EP300: variants seen among roughly 807,000 people sequenced by gnomAD.
EP300 encodes histone acetyltransferase p300.
EP300 carries 31 observed loss-of-function variants against 264.0 expected under a neutral mutation model. That is an observed-to-expected ratio of 0.12 (90% CI 0.09 to 0.16). The LOEUF is 0.16. Ranked by LOEUF, EP300 falls within the 10% of genes least tolerant of loss-of-function variation. The pLI is 1.00. For synonymous variants in EP300, 1,340 were observed against 1,045.4 expected, an observed-to-expected ratio of 1.28 and a Z score of -5.44; for missense variants, 2,766 against 3,052.9, an observed-to-expected ratio of 0.91 and a Z score of 2.21.
At chr22:41,128,790 C>T (rs550357655) in intron 4 of EP300, among the ~76,000 whole-genome samples, 2 of 152,056 alleles carry the variant, frequency 1.3e-5, no homozygotes, top group Non-Finnish European at 2.9e-5. Context: ...GGATTACAGG[C>T]GTGAGCCACC....
At chr22:41,110,005 G>A (rs922599715) in intron 1 of EP300, among the ~76,000 whole-genome samples, 5 of 151,670 alleles carry the variant, frequency 3.3e-5, no homozygotes, top group African/African-American at 1.2e-4. Context: ...GTAGAGATGG[G>A]GTTTCACCAT....
At chr22:41,170,652 ACTTT>A in intron 27 of EP300, 81 bp downstream of exon 27, 4 of 915,290 alleles carry the variant, frequency 4.4e-6, no homozygotes, top group Non-Finnish European at 6.2e-6. Flanking sequence ...CTGTCATTTA[ACTTT>A]TTTTTTTTTT....
Position 41,177,225 on chromosome 22 carries a change from T to A in EP300, c.5514T>A (p.Thr1838=). ...LRRRMASMQR[T]GVVGQQQGLP... ...GGAGGATGGCCAGCATGCAGCGGACTGGTGTGGTTGGGCAGCAACAGGGCC... is the reference window on the plus strand; with the variant it reads ...GGAGGATGGCCAGCATGCAGCGGACAGGTGTGGTTGGGCAGCAACAGGGCC... Residue 1838 remains threonine, a synonymous_variant, in exon 31 of 31, where the codon ACT becomes ACA. Coordinates refer to ENST00000263253, the MANE Select transcript of EP300 (RefSeq NM_001429.4). The A allele has an allele frequency of 6.2e-7, 1 of 1,614,114 alleles. No individual in the cohort carries two copies. The highest frequency in any genetic ancestry group is 8.5e-7 in the Non-Finnish European group (1 of 1,180,002).
intron 1 of EP300, among the ~76,000 whole-genome samples, chr22:41,113,675 T>C (rs1022179654): frequency 6.6e-6 from 1 of 152,134 alleles, no homozygotes; most frequent in Non-Finnish European, 1.5e-5. Flanking sequence ...GCCTCCTGAG[T>C]AGCTGGGACT....
chr22:41,105,037 A>C (rs1490731668), intron 1 of EP300, among the ~76,000 whole-genome samples: 1 of 151,986 alleles, frequency 6.6e-6, no homozygotes, highest in East Asian at 2.0e-4. Flanking sequence ...TCTACTAAAA[A>C]TACAGAAAAA....
At chr22:41,094,399 T>G (rs1257638343) in intron 1 of EP300, among the ~76,000 whole-genome samples, 2 of 152,230 alleles carry the variant, frequency 1.3e-5, no homozygotes, top group East Asian at 3.8e-4. Flanking sequence ...GAGCTAATGC[T>G]TTGAATTCGT....
chr22:41,131,270 A>G (rs2058917581), intron 5 of EP300, 118 bp from the exon 6 acceptor site: 3 of 1,148,032 alleles, frequency 2.6e-6, no homozygotes, highest in Admixed American at 1.8e-5. Context: ...CAAGATCCAC[A>G]TACTCAGATG....
chr22:41,147,766 A>C, intron 11 of EP300, 71 bp from the exon 12 acceptor site: 3 of 1,092,762 alleles, frequency 2.7e-6, no homozygotes, highest in Non-Finnish European at 2.8e-6. Context: ...AGAATCAGAC[A>C]TAAGAATTCT....
At position 41,176,362 on chromosome 22, in the gene EP300, C is replaced by T. The variant is rs2059200517; in HGVS notation, c.4895C>T (p.Thr1632Met). 1.9e-6 allele frequency: 3 copies of T among 1,614,258 alleles called. No individual in the cohort carries two copies. Among genetic ancestry groups the T allele is most frequent in the Non-Finnish European group, 2.5e-6 (3 of 1,180,054 alleles). Residue 1632 changes from threonine (T) to methionine (M), a missense_variant, in exon 30 of 31, where the codon ACG becomes ATG. Thr to Met is a moderately conservative substitution (Grantham distance 81). Transcript: ENST00000263253. ...ATGGATGGTCGGGATGCGTTTCTCACGCTGGCAAGGGACAAGCACCTGGAG... is the reference window on the plus strand; with the variant it reads ...ATGGATGGTCGGGATGCGTTTCTCATGCTGGCAAGGGACAAGCACCTGGAG... ...DLMDGRDAFL[T>M]LARDKHLEFS...
At chr22:41,170,652 AC>A (rs2059164321) in intron 27 of EP300, 81 bp downstream of exon 27, 242 of 915,112 alleles carry the variant, frequency 2.6e-4, no homozygotes, top group Middle Eastern at 3.2e-4. Context: ...CTGTCATTTA[AC>A]TTTTTTTTTT....
intron 19 of EP300, 193 bp from the exon 20 acceptor site, chr22:41,160,447 AAC>A (rs2059101965): frequency 1.1e-5 from 6 of 550,744 alleles, no homozygotes; most frequent in South Asian, 7.3e-5. Context: ...AAAACAAAAA[AAC>A]AAACAAAAAA....
intron 7 of EP300, among the ~76,000 whole-genome samples, chr22:41,136,881 G>T (rs541143934): frequency 6.6e-6 from 1 of 151,188 alleles, no homozygotes. Flanking sequence ...GCAACATGGC[G>T]AAATCCTGTC....
intron 1 of EP300, among the ~76,000 whole-genome samples, chr22:41,107,424 A>T (rs1481049791): frequency 8.4e-5 from 2 of 23,924 alleles, no homozygotes; most frequent in Non-Finnish European, 1.0e-4. Flanking sequence ...CTTTTAAGTA[A>T]AAAAAAAAAA....
At chr22:41,142,603 A>G (rs1230681646) in intron 10 of EP300, among the ~76,000 whole-genome samples, 2 of 152,114 alleles carry the variant, frequency 1.3e-5, no homozygotes, top group Admixed American at 6.6e-5. Flanking sequence ...AAAAGTAGAC[A>G]GGCTGGGTGC....
chr22:41,114,429 G>T (rs1019973083), intron 1 of EP300, among the ~76,000 whole-genome samples: 1 of 152,088 alleles, frequency 6.6e-6, no homozygotes, highest in Non-Finnish European at 1.5e-5. Flanking sequence ...TGCCCTCCTT[G>T]GCCTCACAAA....
chr22:41,119,499 A>G (rs1307505640), intron 2 of EP300, among the ~76,000 whole-genome samples: 2 of 152,184 alleles, frequency 1.3e-5, no homozygotes, highest in Admixed American at 6.6e-5. Flanking sequence ...ATGACTTACA[A>G]TAAACCCTCA....
Position 41,092,918 on chromosome 22 carries a change from C to T in EP300, c.-87C>T, listed in dbSNP as rs937876259. 2 of 1,502,938 alleles carry T rather than the reference C, an allele frequency of 1.3e-6. No homozygotes were observed. The highest frequency in any genetic ancestry group is 1.9e-4 in the Middle Eastern group (1 of 5,238). The allele number at this position is 1,502,938 out of a possible 1,614,324, so 93.1% of individuals were successfully genotyped here. On this transcript the variant is annotated 5_prime_UTR_variant, in exon 1 of 31. Coordinates refer to ENST00000263253, the MANE Select transcript of EP300 (RefSeq NM_001429.4). ...GCCGTCGGAGCCCCCCAGCCCACCCCTGGGTGCGGCGCGGGGACCCCGGGC... is the reference window on the plus strand; with the variant it reads ...GCCGTCGGAGCCCCCCAGCCCACCCTTGGGTGCGGCGCGGGGACCCCGGGC...
At chr22:41,114,824 G>GA (rs11387442) in intron 1 of EP300, among the ~76,000 whole-genome samples, 91,369 of 147,788 alleles carry the variant, frequency 0.62, 28,307 homozygotes, top group East Asian at 0.8. Flanking sequence ...GGATTGGGAA[G>GA]AAAAAAAAAA....
chr22:41,163,764 A>G (rs2059120377), intron 21 of EP300, among the ~76,000 whole-genome samples: 1 of 151,882 alleles, frequency 6.6e-6, no homozygotes, highest in South Asian at 2.1e-4. Flanking sequence ...AAAACAAAAA[A>G]CAGCCAGGCA....
Sources: allele counts gnomAD v4.1 joint callset (sites outside exome capture counted in the v4.1 genomes callset), GRCh38; gene constraint gnomAD v4.1.1; transcripts MANE v1.5; gene names NCBI Gene and HGNC (gene_info 2026-07-23, HGNC 2026-07-21).